NBN: variants seen among roughly 807,000 people sequenced by gnomAD.
NBN encodes the protein Nijmegen breakage syndrome 1 (nibrin).
NBN carries 88 observed loss-of-function variants against 90.8 expected under a neutral mutation model. That is an observed-to-expected ratio of 0.97 (90% CI 0.82 to 1.16). NBN has a LOEUF of 1.16. Ranked by LOEUF, NBN falls within the 50% of genes most tolerant of loss-of-function variation. The pLI, the probability that NBN is intolerant of heterozygous loss-of-function variation, is 0.00. For synonymous variants in NBN, 328 were observed against 295.1 expected (o/e 1.11, Z -1.14); for missense variants, 894 against 869.6 (o/e 1.03, Z -0.35).
At chr8:89,974,464 G>A (rs192359841) in intron 5 of NBN, among the ~76,000 whole-genome samples, 28 of 152,200 alleles carry the variant, frequency 1.8e-4, no homozygotes, top group Non-Finnish European at 3.7e-4. Context: ...CAATGTGTCT[G>A]TTGGGTCTGA....
rs562001763 is a variant in NBN at position 89,982,063 on chromosome 8, TC to T, written c.172-541del. The T allele has an allele frequency of 8.4e-4, 531 of 631,468 alleles. 1 individual carries two copies. The highest frequency in any genetic ancestry group is 4.6e-3 in the South Asian group (255 of 55,982). 39.1% of individuals were successfully genotyped at this position (631,468 alleles called of 1,614,324 possible). On this transcript the variant is annotated intron_variant, in intron 2 of 15. Transcript: ENST00000265433. ...AGAAATTCATATCGCATATATGCAA[TC>T]TTTGATTAAAATAATGGCTCATCTT...
At chr8:89,950,988 T>C (rs1190669297) in intron 11 of NBN, among the ~76,000 whole-genome samples, 1 of 151,768 alleles carries the variant, frequency 6.6e-6, no homozygotes, top group South Asian at 2.1e-4. Flanking sequence ...GTGGCCACCA[T>C]AGCAGTAGAC....
chr8:89,979,210 C>A (rs905587362), intron 4 of NBN, among the ~76,000 whole-genome samples: 1 of 152,162 alleles, frequency 6.6e-6, no homozygotes, highest in South Asian at 2.1e-4. Context: ...AATTCCTGGG[C>A]TCAAGCAATC....
chr8:89,978,802 TAAATA>T (rs1811900551), intron 4 of NBN, among the ~76,000 whole-genome samples: 1 of 152,056 alleles, frequency 6.6e-6, no homozygotes, highest in African/African-American at 2.4e-5. Context: ...TTTGAGAAAG[TAAATA>T]AAATAATTTT....
chr8:89,969,865 C>T (rs1811422696), intron 7 of NBN, among the ~76,000 whole-genome samples: 2 of 151,758 alleles, frequency 1.3e-5, no homozygotes. Flanking sequence ...GGCAGAGGAT[C>T]GTTTGAACCC....
At chr8:89,970,884 G>A (rs1207968030) in intron 6 of NBN, among the ~76,000 whole-genome samples, 1 of 152,130 alleles carries the variant, frequency 6.6e-6, no homozygotes, top group Admixed American at 6.5e-5. Flanking sequence ...TCTTTAGTGA[G>A]CTTACTAACT....
chr8:89,978,783 T>G (rs1352618651), intron 4 of NBN, among the ~76,000 whole-genome samples: 1 of 152,154 alleles, frequency 6.6e-6, no homozygotes, highest in African/African-American at 2.4e-5. Flanking sequence ...AACTATGCAA[T>G]AAAGCCTTTT....
At chr8:89,970,728 G>A (rs746126166) in intron 6 of NBN, 171 bp from the exon 7 acceptor site, 15 of 188,360 alleles carry the variant, frequency 8.0e-5, no homozygotes, top group South Asian at 3.6e-4. Context: ...AGGTCTCTGC[G>A]GCCCTGGAAC....
chr8:89,952,345 C>G (rs1289927156), intron 11 of NBN, among the ~76,000 whole-genome samples: 1 of 152,144 alleles, frequency 6.6e-6, no homozygotes, highest in African/African-American at 2.4e-5. Context: ...AAAAGCTTAC[C>G]AGCTGACTCC....
chr8:89,940,267 TTTTG>T (rs1008008453), intron 14 of NBN, among the ~76,000 whole-genome samples: 23 of 152,018 alleles, frequency 1.5e-4, no homozygotes, highest in Non-Finnish European at 2.1e-4. Flanking sequence ...TGTTGTGTTT[TTTTG>T]TTTGTTTGTT....
intron 11 of NBN, among the ~76,000 whole-genome samples, chr8:89,951,275 G>A (rs991380231): frequency 3.2e-5 from 4 of 125,272 alleles, no homozygotes; most frequent in African/African-American, 1.3e-4. Context: ...TCACGCCACT[G>A]AACTCCAGCC....
intron 5 of NBN, among the ~76,000 whole-genome samples, chr8:89,976,322 G>C (rs1811755725): frequency 6.6e-6 from 1 of 152,214 alleles, no homozygotes; most frequent in Non-Finnish European, 1.5e-5. Context: ...AAAAAATGTA[G>C]AAAGATGCAA....
chr8:89,981,549 G>A, intron 2 of NBN, 26 bp from the exon 3 acceptor site: 1 of 1,610,594 alleles, frequency 6.2e-7, no homozygotes, highest in African/African-American at 1.3e-5. Flanking sequence ...ATAATTTAAA[G>A]TCTTTTACCA....
At chr8:89,978,012 A>G (rs1199894113) in intron 5 of NBN, among the ~76,000 whole-genome samples, 1 of 152,162 alleles carries the variant, frequency 6.6e-6, no homozygotes, top group Non-Finnish European at 1.5e-5. Context: ...CATATTTAAC[A>G]TTTGTTTCAG....
At chr8:89,971,025 G>T (rs1811489320) in intron 6 of NBN, 148 bp downstream of exon 6, 2 of 762,146 alleles carry the variant, frequency 2.6e-6, no homozygotes, top group Non-Finnish European at 2.1e-6. Flanking sequence ...TCACTGGGCA[G>T]GTCTGGTGCC....
chr8:89,958,077 C>T (rs190449316), intron 9 of NBN, among the ~76,000 whole-genome samples: 104 of 152,226 alleles, frequency 6.8e-4, no homozygotes, highest in African/African-American at 2.4e-3. Context: ...ATCATAAGAA[C>T]CTAGATCCCT....
rs776616873 is a variant in NBN at position 89,980,920 on chromosome 8, G to A, written c.321-27C>T. ...TGTAAATGAGAATAAGTTAAATAAA[G>A]TCATAGTATCAGAGTTGCAGAGATG... On this transcript the variant is annotated intron_variant, in intron 3 of 15. Transcript: ENST00000265433. The A allele has an allele frequency of 5.6e-5, 90 of 1,605,470 alleles. No individual in the cohort carries two copies. The highest frequency in any genetic ancestry group is 7.6e-5 in the Non-Finnish European group (89 of 1,175,012).
At chr8:89,964,314 T>C (rs1223035141) in intron 8 of NBN, 96 bp downstream of exon 8, 8 of 1,339,454 alleles carry the variant, frequency 6.0e-6, no homozygotes, top group Non-Finnish European at 8.5e-6. Flanking sequence ...ATGGTGAATA[T>C]GGTCACCCCT....
At chr8:89,981,863 CT>C in intron 2 of NBN, 5 of 661,818 alleles carry the variant, frequency 7.6e-6, no homozygotes, top group South Asian at 2.2e-5. Context: ...ATTCCTAGAT[CT>C]TTTTTTGTTT....
Sources: allele counts gnomAD v4.1 joint callset (sites outside exome capture counted in the v4.1 genomes callset), GRCh38; gene constraint gnomAD v4.1.1; transcripts MANE v1.5; gene names NCBI Gene and HGNC (gene_info 2026-07-23, HGNC 2026-07-21).